ABCC8: variants seen among roughly 807,000 people sequenced by gnomAD.
ABCC8 encodes the protein ATP-binding cassette sub-family C member 8.
In ABCC8, 137 loss-of-function variants were observed where a neutral mutation model predicts 188.0. The ratio of observed to expected loss-of-function variants is 0.73; its 90% CI spans 0.63 to 0.84. The LOEUF (loss-of-function observed/expected upper bound fraction) is 0.84. ABCC8 is among the 40% of genes least tolerant of loss of function. ABCC8 has a pLI of 0.00. For missense variants in ABCC8, 1,750 were observed against 2,072.7 expected, an observed-to-expected ratio of 0.84 and a Z score of 3.02; for synonymous variants, 797 against 846.5, an observed-to-expected ratio of 0.94 and a Z score of 1.01.
At chr11:17,421,625 T>C (rs758228763) in intron 16 of ABCC8, among the ~76,000 whole-genome samples, 17 of 152,286 alleles carry the variant, frequency 1.1e-4, no homozygotes, top group Non-Finnish European at 2.4e-4. Context: ...AAGTACACTA[T>C]TGAATAATAA....
chr11:17,397,826 GC>G (rs1954023224), intron 30 of ABCC8, 29 bp from the exon 31 acceptor site: 1 of 1,611,570 alleles, frequency 6.2e-7, no homozygotes, highest in Admixed American at 1.7e-5. Flanking sequence ...TGACCTGGGC[GC>G]TCAGGGGTTA....
At chr11:17,476,572 T>G (rs1383992581) in intron 1 of ABCC8, 57 bp downstream of exon 1, 3 of 1,581,622 alleles carry the variant, frequency 1.9e-6, no homozygotes, top group Middle Eastern at 1.7e-4. Context: ...GCGCAGCGCC[T>G]CCTCCTCCCT....
intron 10 of ABCC8, chr11:17,436,047 G>T (rs1477970117): frequency 9.3e-7 from 1 of 1,073,084 alleles, no homozygotes; most frequent in East Asian, 2.4e-5. Context: ...TTGAACTTGT[G>T]TTCTTATTCC....
intron 8 of ABCC8, chr11:17,448,228 G>A (rs1165315848): frequency 4.8e-6 from 2 of 417,420 alleles, no homozygotes; most frequent in African/African-American, 2.0e-5. Flanking sequence ...GGGATTACAG[G>A]TGTGAGCCCC....
chr11:17,395,603 G>T lies in ABCC8; in HGVS notation c.4307+7C>A. 6.5e-7 allele frequency: 1 copy of T among 1,548,752 alleles called. No individual in the cohort carries two copies. The highest frequency in any genetic ancestry group is 2.4e-5 in the East Asian group (1 of 41,132). On this transcript the variant is annotated splice_region_variant and intron_variant, in intron 35 of 38. Transcript: ENST00000389817. Reference sequence around the variant, plus strand: ...GCTGGGTGGGCCTGAGGGGTGGTGGGGCTCACCGGATGGTGCCGCTGAAGA... The same window carrying T: ...GCTGGGTGGGCCTGAGGGGTGGTGGTGCTCACCGGATGGTGCCGCTGAAGA...
chr11:17,460,802 G>C (rs1445484795), intron 5 of ABCC8, 126 bp from the exon 6 acceptor site: 1 of 1,526,636 alleles, frequency 6.6e-7, no homozygotes, highest in Non-Finnish European at 8.8e-7. Flanking sequence ...TCTGCAAATA[G>C]GTGAACTCCA....
rs1181585001 is a variant in ABCC8 at position 17,415,315 on chromosome 11, G to T, written c.2280C>A (p.Asp760Glu). The T allele has an allele frequency of 3.7e-6, 6 of 1,610,180 alleles. No homozygotes were observed. The highest frequency in any genetic ancestry group is 5.1e-6 in the Non-Finnish European group (6 of 1,178,914). Reference sequence around the variant, plus strand: ...CCAGGACGCAGTACCTGATATCCAAGTCGGTCGCTGTCTCCCGCTCTGGGC... The same window carrying T: ...CCAGGACGCAGTACCTGATATCCAATTCGGTCGCTGTCTCCCGCTCTGGGC... ...DPSPERETAT[D>E]LDIRKRGPVA... Residue 760 changes from aspartate (D) to glutamate (E), a missense_variant, in exon 18 of 39, where the codon GAC becomes GAA. Transcript: ENST00000389817.
intron 8 of ABCC8, among the ~76,000 whole-genome samples, chr11:17,447,783 G>A (rs935800657): frequency 6.6e-6 from 1 of 152,038 alleles, no homozygotes; most frequent in Non-Finnish European, 1.5e-5. Flanking sequence ...GTACAGACAG[G>A]GTCTCACTTT....
intron 6 of ABCC8, among the ~76,000 whole-genome samples, chr11:17,460,015 C>G (rs1402869165): frequency 6.6e-6 from 1 of 152,134 alleles, no homozygotes; most frequent in Non-Finnish European, 1.5e-5. Context: ...CAAAGCTCCA[C>G]TCGTGAGGGT....
At position 17,460,583 on chromosome 11, in the gene ABCC8, G is replaced by A. The variant is rs751228166; in HGVS notation, c.916C>T (p.Arg306Cys). 2.5e-5 allele frequency: 40 copies of A among 1,613,642 alleles called. No homozygotes were observed. Among genetic ancestry groups the A allele is most frequent in the East Asian group, 4.5e-5 (2 of 44,896 alleles). Reference protein sequence around the residue: ...GRRLVLSSTFRILADLLGFAG... With the variant: ...GRRLVLSSTFCILADLLGFAG... ...AAGCCCAGCAGGTCGGCCAAGATGC[G>A]GAAAGTGCTGCTGAGGACCAGGCGC... The change falls in exon 6 of 39, where the codon CGC becomes TGC. Residue 306 changes from arginine (R) to cysteine (C), a missense_variant. Arg to Cys is a radical substitution (Grantham distance 180). Transcript: ENST00000389817.
chr11:17,401,842 G>A (rs1954260760), intron 29 of ABCC8, among the ~76,000 whole-genome samples: 1 of 137,858 alleles, frequency 7.3e-6, no homozygotes, highest in Non-Finnish European at 1.5e-5. Flanking sequence ...GTAGTGAGAC[G>A]ATGGCAGGGG....
intron 17 of ABCC8, 32 bp downstream of exon 17, chr11:17,416,898 G>A: frequency 1.3e-6 from 2 of 1,583,634 alleles, no homozygotes; most frequent in Non-Finnish European, 1.7e-6. Context: ...CCTTTGTTGA[G>A]ACCCACTTCT....
intron 26 of ABCC8, among the ~76,000 whole-genome samples, chr11:17,405,795 C>T (rs193256218): frequency 1.9e-4 from 29 of 152,324 alleles, no homozygotes; most frequent in Non-Finnish European, 2.9e-4. Context: ...TGACGACTGC[C>T]GCCTTTCTCA....
intron 16 of ABCC8, among the ~76,000 whole-genome samples, chr11:17,421,841 G>A (rs959890428): frequency 3.3e-5 from 5 of 152,126 alleles, no homozygotes; most frequent in East Asian, 1.9e-4. Context: ...CACCAACAAA[G>A]CACCCATCTC....
intron 11 of ABCC8, among the ~76,000 whole-genome samples, chr11:17,431,211 A>T (rs553676248): frequency 7.1e-4 from 108 of 152,374 alleles, no homozygotes; most frequent in Non-Finnish European, 1.2e-3. Context: ...TGTCCTGCCC[A>T]GTCTTGGCTG....
intron 17 of ABCC8, among the ~76,000 whole-genome samples, chr11:17,416,275 G>GGA (rs1017211295): frequency 2.0e-5 from 3 of 152,012 alleles, no homozygotes; most frequent in Admixed American, 2.0e-4. Context: ...AGGTTTTGAG[G>GGA]GACTCAGAGC....
intron 3 of ABCC8, among the ~76,000 whole-genome samples, chr11:17,467,276 G>C (rs1217018800): frequency 6.6e-6 from 1 of 152,176 alleles, no homozygotes; most frequent in Non-Finnish European, 1.5e-5. Flanking sequence ...AATTATCTGA[G>C]TGTGGTGGTA....
chr11:17,450,298 CTTTCTTTCTTTCTT>C (rs1564959089), intron 7 of ABCC8, among the ~76,000 whole-genome samples: 6 of 134,110 alleles, frequency 4.5e-5, no homozygotes, highest in African/African-American at 1.9e-4. Flanking sequence ...TTCTTTCTTT[CTTTCTTTCTTTCTT>C]TCTTTCTTTC....
At position 17,404,675 on chromosome 11, in the gene ABCC8, G is replaced by A. The variant is rs777815364; in HGVS notation, c.3400-6C>T. 1 of 1,601,546 alleles carries A rather than the reference G, an allele frequency of 6.2e-7. No homozygotes were observed. Among genetic ancestry groups the A allele is most frequent in the African/African-American group, 1.3e-5 (1 of 74,758 alleles). On this transcript the variant is annotated splice_polypyrimidine_tract_variant and splice_region_variant and intron_variant, in intron 27 of 38. Coordinates refer to ENST00000389817, the MANE Select transcript of ABCC8 (RefSeq NM_000352.6). This position sits in a 1 kb window ranked among gnomAD's most constrained non-coding sequence, Gnocchi z 4.7. ...TCCAGCGTGGATGGGATGTGCTGAG[G>A]GAGACGAGGGGGAGAGAGTGAGGTG... is the stretch of plus-strand genomic sequence containing the variant.
Sources: allele counts gnomAD v4.1 joint callset (sites outside exome capture counted in the v4.1 genomes callset), GRCh38; gene constraint gnomAD v4.1.1; non-coding constraint Gnocchi (gnomAD v3.1); transcripts MANE v1.5; gene names NCBI Gene and HGNC (gene_info 2026-07-23, HGNC 2026-07-21).